Variants in MLYCD observed in about 807,000 individuals in gnomAD.
MLYCD encodes malonyl-CoA decarboxylase, also known as malonyl-CoA decarboxylase, mitochondrial.
In MLYCD, 27 loss-of-function variants were observed where a neutral mutation model predicts 35.8. The observed-to-expected ratio is 0.75, with a 90% CI of 0.56 to 1.04. MLYCD has a LOEUF of 1.04. Among genes scored for constraint, MLYCD ranks in the 50% least tolerant of loss-of-function variants. The pLI, the probability that MLYCD is intolerant of heterozygous loss-of-function variation, is 0.00. For synonymous variants in MLYCD, 403 were observed against 302.4 expected (o/e 1.33, Z -3.45); for missense variants, 917 against 665.1 (o/e 1.38, Z -4.17).
intron 1 of MLYCD, among the ~76,000 whole-genome samples, chr16:83,900,866 T>G (rs1377077218): frequency 6.6e-6 from 1 of 152,198 alleles, no homozygotes. Flanking sequence ...ATGCTGAGGT[T>G]GTGTTACTTG....
At chr16:83,905,670 T>C (rs531649610) in intron 1 of MLYCD, among the ~76,000 whole-genome samples, 1 of 152,340 alleles carries the variant, frequency 6.6e-6, no homozygotes, top group South Asian at 2.1e-4. Flanking sequence ...GCTCCTGCTG[T>C]CTTTTCAAGT....
chr16:83,906,192 G>T (rs1906968616), intron 1 of MLYCD, among the ~76,000 whole-genome samples: 1 of 152,088 alleles, frequency 6.6e-6, no homozygotes, highest in African/African-American at 2.4e-5. Context: ...CTCGAGACTA[G>T]CCTGGGCAAC....
At chr16:83,904,803 C>T (rs1906917635) in intron 1 of MLYCD, among the ~76,000 whole-genome samples, 1 of 152,178 alleles carries the variant, frequency 6.6e-6, no homozygotes. Flanking sequence ...CACCGTCTCC[C>T]AGGATGACCT....
In MLYCD at chr16:83,915,950, T is replaced by G. The variant is rs1168778535; in HGVS notation, c.*461T>G. 16 of 1,064,216 alleles carry G rather than the reference T, an allele frequency of 1.5e-5. No individual in the cohort carries two copies. The highest frequency in any genetic ancestry group is 1.8e-5 in the Non-Finnish European group (16 of 876,588). 65.9% of individuals were successfully genotyped at this position (1,064,216 alleles called of 1,614,324 possible). The stretch of plus-strand genomic sequence containing the variant: ...TGGTTGCTTTAGCCGTTTCTCACCA[T>G]GCAATGCAGAGGGACAAAGGGCTGT... On this transcript the variant is annotated 3_prime_UTR_variant, in exon 5 of 5. Coordinates refer to ENST00000262430, the MANE Select transcript of MLYCD (RefSeq NM_012213.3).
chr16:83,914,026 C>G (rs997892111), intron 4 of MLYCD: 5 of 152,134 alleles, frequency 3.3e-5, no homozygotes, highest in African/African-American at 1.2e-4. Context: ...CTCACCCATG[C>G]AAAAATCGCA....
chr16:83,916,125 A>G lies in MLYCD; in HGVS notation c.*636A>G. The G allele has an allele frequency of 1.0e-6, 1 of 993,260 alleles. No individual in the cohort carries two copies. Among genetic ancestry groups the G allele is most frequent in the Non-Finnish European group, 1.2e-6 (1 of 833,478 alleles). 61.5% of individuals were successfully genotyped at this position (993,260 alleles called of 1,614,324 possible). A position where few individuals can be genotyped will look rare whatever the true frequency, so the allele number is the denominator to read the frequency against. On this transcript the variant is annotated 3_prime_UTR_variant, in exon 5 of 5. Transcript: ENST00000262430. ...GATAATAGGCTTTAAATGATCAGGG[A>G]TTCAGGTTCATAATGAACTTCACAG...
chr16:83,916,218 A>G lies in MLYCD; in HGVS notation c.*729A>G. 1.0e-6 allele frequency: 1 copy of G among 987,898 alleles called. No individual in the cohort carries two copies. Among genetic ancestry groups the G allele is most frequent in the Non-Finnish European group, 1.2e-6 (1 of 830,294 alleles). The allele number at this position is 987,898 out of a possible 1,614,324, so 61.2% of individuals were successfully genotyped here. A position where few individuals can be genotyped will look rare whatever the true frequency, so the allele number is the denominator to read the frequency against. On this transcript the variant is annotated 3_prime_UTR_variant, in exon 5 of 5. Transcript: ENST00000262430. ...TGTAGTGGTGGTCGTCTTTAAGATT[A>G]GAGACCTGGGAAGGCTGGAATCAGC... is the stretch of plus-strand genomic sequence containing the variant.
At chr16:83,904,147 TA>T (rs1298174340) in intron 1 of MLYCD, among the ~76,000 whole-genome samples, 1 of 152,152 alleles carries the variant, frequency 6.6e-6, no homozygotes, top group Non-Finnish European at 1.5e-5. Flanking sequence ...CTTTCATAAT[TA>T]ATATTAAATT....
chr16:83,902,887 T>G (rs1331060826), intron 1 of MLYCD, among the ~76,000 whole-genome samples: 1 of 152,162 alleles, frequency 6.6e-6, no homozygotes, highest in Non-Finnish European at 1.5e-5. Flanking sequence ...TGTGGCCTCC[T>G]GAATGTAGAG....
At position 83,924,734 on chromosome 16, in the gene MLYCD, C is replaced by G. The variant is rs1907754412; in HGVS notation, c.*9245C>G. On this transcript the variant is annotated 3_prime_UTR_variant, in exon 5 of 5. Coordinates refer to ENST00000262430, the MANE Select transcript of MLYCD (RefSeq NM_012213.3). ...GAACTGGCCATTTGCAGTCTCCACC[C>G]CAGTGTGGCTCACGATGCCACCTCT... 6.6e-6 allele frequency: 1 copy of G among 152,194 alleles called. No individual in the cohort carries two copies. The highest frequency in any genetic ancestry group is 2.1e-4 in the South Asian group (1 of 4,832). The allele number at this position is 152,194 out of a possible 1,614,324, so 9.4% of individuals were successfully genotyped here.
intron 3 of MLYCD, among the ~76,000 whole-genome samples, chr16:83,909,399 A>G (rs554438650): frequency 6.6e-5 from 10 of 152,314 alleles, no homozygotes; most frequent in South Asian, 6.2e-4. Flanking sequence ...TACATCAGAT[A>G]TCTGTGCATG....
chr16:83,899,759 C>A (rs1340436286), intron 1 of MLYCD, 87 bp downstream of exon 1: 9 of 1,378,234 alleles, frequency 6.5e-6, no homozygotes, highest in Non-Finnish European at 9.5e-7. Flanking sequence ...GTCCCACACA[C>A]CCCGCCTTCC....
rs149731783 is a variant in MLYCD at position 83,910,846 on chromosome 16, C to T, written c.799-1372C>T. Among the ~76,000 whole-genome samples, 4 of 152,216 alleles carry T rather than the reference C, an allele frequency of 2.6e-5. No individual in the cohort carries two copies. In the East Asian group the frequency reaches 7.7e-4, roughly 29 times the overall value. Reference sequence around the variant, plus strand: ...GTCCTTCATGTCATGAGCTCTCCCCCTTTCCTCACAGCAGCATTTCTTCAC... The same window carrying T: ...GTCCTTCATGTCATGAGCTCTCCCCTTTTCCTCACAGCAGCATTTCTTCAC... On this transcript the variant is annotated intron_variant, in intron 3 of 4. Transcript: ENST00000262430.
intron 1 of MLYCD, among the ~76,000 whole-genome samples, chr16:83,905,575 C>A (rs972346770): frequency 1.6e-4 from 25 of 152,106 alleles, no homozygotes; most frequent in African/African-American, 6.0e-4. Flanking sequence ...ACGTCGTGGC[C>A]CAGGATGGCT....
intron 1 of MLYCD, among the ~76,000 whole-genome samples, chr16:83,905,095 G>A (rs975452215): frequency 6.6e-6 from 1 of 152,142 alleles, no homozygotes; most frequent in Non-Finnish European, 1.5e-5. Flanking sequence ...GGATTAAAAT[G>A]TAAAATTGTT....
In MLYCD at chr16:83,915,496, A is replaced by G. The variant is rs755190768; in HGVS notation, c.*7A>G. ...AAAGAACAGCAAGCTCTGACAGTAA[A>G]CCTCTCCTAAAGCACAGGGCCCCGG... On this transcript the variant is annotated 3_prime_UTR_variant, in exon 5 of 5. Transcript: ENST00000262430. The G allele has an allele frequency of 2.1e-5, 33 of 1,608,952 alleles. No individual in the cohort carries two copies. The highest frequency in any genetic ancestry group is 1.0e-4 in the Admixed American group (6 of 59,980).
chr16:83,899,693 C>G (rs1401165459), intron 1 of MLYCD, 21 bp downstream of exon 1: 2 of 1,494,336 alleles, frequency 1.3e-6, no homozygotes, highest in East Asian at 5.4e-5. Flanking sequence ...GCCGTCGATC[C>G]CCCGGCAGCG....
chr16:83,906,450 G>A (rs114600543), intron 1 of MLYCD, among the ~76,000 whole-genome samples: 1 of 152,188 alleles, frequency 6.6e-6, no homozygotes, highest in Non-Finnish European at 1.5e-5. Flanking sequence ...GATGCATCCT[G>A]ACTTGAGAGA....
At chr16:83,902,230 TA>T (rs1258123578) in intron 1 of MLYCD, among the ~76,000 whole-genome samples, 6 of 148,204 alleles carry the variant, frequency 4.0e-5, no homozygotes, top group African/African-American at 9.9e-5. Flanking sequence ...TGTTTGTGTT[TA>T]TTTTTTTGTT....
Sources: gnomAD v4.1 joint callset for allele counts (sites outside exome capture counted in the v4.1 genomes callset) on GRCh38, gnomAD v4.1.1 for gene constraint, MANE v1.5 for transcripts, NCBI Gene and HGNC (gene_info 2026-07-23, HGNC 2026-07-21) for gene names.